The following ZSWIM6 variants were observed in gnomAD, a reference collection of about 807,000 sequenced individuals.
The protein encoded by ZSWIM6 is zinc finger SWIM-type containing 6.
In ZSWIM6, 9 loss-of-function variants were observed where a neutral mutation model predicts 113.2. That is an observed-to-expected ratio of 0.08 (90% CI 0.05 to 0.14). The LOEUF is 0.14. ZSWIM6 is among the 10% of genes least tolerant of loss of function. The pLI is 1.00. For missense variants in ZSWIM6, 1,162 were observed against 1,552.2 expected (o/e 0.75, Z 4.22); for synonymous variants, 611 against 606.5 (o/e 1.01, Z -0.11).
At chr5:61,516,545 A>G (rs1213180265) in intron 4 of ZSWIM6, among the ~76,000 whole-genome samples, 1 of 147,656 alleles carries the variant, frequency 6.8e-6, no homozygotes, top group Non-Finnish European at 1.5e-5. Flanking sequence ...TTATATATAT[A>G]TATAGTTTAT....
At chr5:61,518,802 A>G (rs1749033802) in intron 4 of ZSWIM6, among the ~76,000 whole-genome samples, 1 of 152,006 alleles carries the variant, frequency 6.6e-6, no homozygotes, top group African/African-American at 2.4e-5. Context: ...ATTAGATCCC[A>G]TTTGTCAATT....
Position 61,332,414 on chromosome 5 carries a change from G to C in ZSWIM6, c.142G>C (p.Ala48Pro). The C allele has an allele frequency of 1.0e-5, 10 of 997,580 alleles. No homozygotes were observed. Among genetic ancestry groups the C allele is most frequent in the Non-Finnish European group, 1.2e-5 (10 of 840,156 alleles). The allele number at this position is 997,580 out of a possible 1,614,324, so 61.8% of individuals were successfully genotyped here. ...YSSACRPGPR[A>P]GGAAAAAACG... ...CTCTGCCTGTCGGCCAGGCCCGCGGGCGGGTGGCGCGGCGGCGGCGGCGGC... is the reference window on the plus strand; with the variant it reads ...CTCTGCCTGTCGGCCAGGCCCGCGGCCGGGTGGCGCGGCGGCGGCGGCGGC... Residue 48 changes from alanine to proline, a missense_variant, in exon 1 of 14, where the codon GCG (alanine) becomes CCG (proline). By Grantham distance (27) the Ala-to-Pro change is conservative. Around this residue, in one of 4 missense-constraint regions of ZSWIM6, gnomAD observed 333 missense variants for 293.4 expected, o/e 1.13. Coordinates refer to ENST00000252744, the MANE Select transcript of ZSWIM6 (RefSeq NM_020928.2).
chr5:61,469,933 T>G (rs1169669633), intron 1 of ZSWIM6, among the ~76,000 whole-genome samples: 1 of 152,218 alleles, frequency 6.6e-6, no homozygotes, highest in African/African-American at 2.4e-5. Context: ...GGTCTCGATC[T>G]CCTGACCTCG....
intron 4 of ZSWIM6, among the ~76,000 whole-genome samples, chr5:61,515,299 T>A (rs1195329678): frequency 2.0e-5 from 3 of 152,192 alleles, no homozygotes; most frequent in Non-Finnish European, 4.4e-5. Context: ...CAGCTACTTT[T>A]TTTTTGTATT....
At chr5:61,367,429 G>T (rs1415014971) in intron 1 of ZSWIM6, among the ~76,000 whole-genome samples, 3 of 151,964 alleles carry the variant, frequency 2.0e-5, no homozygotes, top group South Asian at 4.2e-4. Flanking sequence ...TTTAAACAAA[G>T]GTTTTTTAGA....
At chr5:61,510,946 A>G (rs1177872021) in intron 4 of ZSWIM6, among the ~76,000 whole-genome samples, 3 of 152,118 alleles carry the variant, frequency 2.0e-5, no homozygotes, top group Non-Finnish European at 4.4e-5. Flanking sequence ...GAAGTGTTTA[A>G]TCATCAAATA....
At position 61,525,946 on chromosome 5, in the gene ZSWIM6, T is replaced by G. The variant is rs1749266013; in HGVS notation, c.1660T>G (p.Phe554Val). The G allele has an allele frequency of 6.4e-7, 1 of 1,552,154 alleles. No homozygotes were observed. The highest frequency in any genetic ancestry group is 8.7e-7 in the Non-Finnish European group (1 of 1,147,060). ...CCATGACGACACTGAAAACTCCCTC[T>G]TCGACTCCCGCGGGTGGCCCCTCTG... ...CYHDDTENSLFDSRGWPLWHE... is the reference protein window; with the variant it reads ...CYHDDTENSLVDSRGWPLWHE... Residue 554 changes from phenylalanine to valine, a missense_variant, in exon 6 of 14, where the codon TTC becomes GTC. By Grantham distance (50) the Phe-to-Val change is conservative. Around this residue, in one of 4 missense-constraint regions of ZSWIM6, gnomAD observed 620 missense variants for 804.6 expected, o/e 0.77. Transcript: ENST00000252744.
Position 61,472,534 on chromosome 5 carries a change from AG to A in ZSWIM6, c.677-146del, listed in dbSNP as rs1468768234. ...CTGTAAGGGGGTGGTGGTAGTGGTT[AG>A]TGGCCTGAATGTTTTTACTTGAATA... On this transcript the variant is annotated intron_variant, in intron 1 of 13. Transcript: ENST00000252744. This position sits in a 1 kb window ranked among gnomAD's most constrained non-coding sequence, Gnocchi z 4.1. 3.5e-6 allele frequency: 2 copies of A among 568,346 alleles called. No individual in the cohort carries two copies. The highest frequency in any genetic ancestry group is 6.1e-6 in the Non-Finnish European group (2 of 327,224). 35.2% of individuals were successfully genotyped at this position (568,346 alleles called of 1,614,324 possible).
chr5:61,387,276 G>A (rs1745610044), intron 1 of ZSWIM6, among the ~76,000 whole-genome samples: 1 of 152,122 alleles, frequency 6.6e-6, no homozygotes, highest in Admixed American at 6.5e-5. Context: ...TCCATTCCAT[G>A]TTCTCTTCCA....
At chr5:61,487,324 A>G (rs978993603) in intron 2 of ZSWIM6, among the ~76,000 whole-genome samples, 19 of 152,032 alleles carry the variant, frequency 1.2e-4, no homozygotes, top group Admixed American at 4.6e-4. Flanking sequence ...GCCAGGTAAT[A>G]TGATGCTTCC....
chr5:61,333,250 C>T (rs902479584), intron 1 of ZSWIM6, among the ~76,000 whole-genome samples: 4 of 151,966 alleles, frequency 2.6e-5, no homozygotes, highest in Non-Finnish European at 5.9e-5. Context: ...GGAGCACATC[C>T]TGGAGGGCTG....
intron 1 of ZSWIM6, among the ~76,000 whole-genome samples, chr5:61,405,315 T>A (rs963703670): frequency 6.6e-6 from 1 of 152,250 alleles, no homozygotes; most frequent in Non-Finnish European, 1.5e-5. Context: ...GTAGATTTTT[T>A]AAATAAATAG....
intron 4 of ZSWIM6, among the ~76,000 whole-genome samples, chr5:61,519,504 A>T (rs1052477927): frequency 6.6e-6 from 1 of 152,020 alleles, no homozygotes; most frequent in Non-Finnish European, 1.5e-5. Flanking sequence ...TCTCTCTCCA[A>T]TCTGCTTGCT....
intron 1 of ZSWIM6, among the ~76,000 whole-genome samples, chr5:61,415,507 G>A (rs573511614): frequency 4.6e-5 from 7 of 151,692 alleles, no homozygotes; most frequent in Admixed American, 4.6e-4. Context: ...CAGGAGAATC[G>A]CTTGAACCAG....
chr5:61,476,045 G>T (rs1400323453), intron 2 of ZSWIM6, among the ~76,000 whole-genome samples: 2 of 152,132 alleles, frequency 1.3e-5, no homozygotes, highest in Non-Finnish European at 2.9e-5. Flanking sequence ...GACTTGATTA[G>T]TTGGCATCAT....
At position 61,375,125 on chromosome 5, in the gene ZSWIM6, A is replaced by G. The variant is rs1579960957; in HGVS notation, c.676+42177A>G. On this transcript the variant is annotated intron_variant, in intron 1 of 13. Coordinates refer to ENST00000252744, the MANE Select transcript of ZSWIM6 (RefSeq NM_020928.2). ...CGATCCAGCACCATGGGGAAGCGGG[A>G]CAATCGGGTGGCCTATATGAACCCA... 24 of 1,610,496 alleles carry G rather than the reference A, an allele frequency of 1.5e-5. No homozygotes were observed. The East Asian group carries it at 5.1e-4, about 34-fold the overall frequency.
intron 4 of ZSWIM6, among the ~76,000 whole-genome samples, chr5:61,516,978 A>G (rs1748963429): frequency 6.6e-6 from 1 of 152,082 alleles, no homozygotes; most frequent in Admixed American, 6.6e-5. Context: ...ATATTGTTCC[A>G]TTGTATTCTG....
At chr5:61,407,000 A>G (rs1746056124) in intron 1 of ZSWIM6, among the ~76,000 whole-genome samples, 1 of 152,248 alleles carries the variant, frequency 6.6e-6, no homozygotes, top group African/African-American at 2.4e-5. Context: ...GGCGTGAGCC[A>G]TTGCACCCGG....
intron 2 of ZSWIM6, among the ~76,000 whole-genome samples, chr5:61,489,799 A>G (rs1462384036): frequency 6.6e-6 from 1 of 151,998 alleles, no homozygotes; most frequent in African/African-American, 2.4e-5. Context: ...ATGAATGAAC[A>G]TACACTTTTT....
Sources: allele counts gnomAD v4.1 joint callset (sites outside exome capture counted in the v4.1 genomes callset), GRCh38; gene constraint gnomAD v4.1.1; regional missense constraint gnomAD v4.1.1; non-coding constraint Gnocchi (gnomAD v3.1); transcripts MANE v1.5; gene names NCBI Gene and HGNC (gene_info 2026-07-23, HGNC 2026-07-21).